PHKB: variants seen among roughly 807,000 people sequenced by gnomAD.
The protein encoded by PHKB is phosphorylase b kinase regulatory subunit beta.
In PHKB, 122 loss-of-function variants were observed where a neutral mutation model predicts 152.1. The ratio of observed to expected loss-of-function variants is 0.80; its 90% CI spans 0.69 to 0.93. The LOEUF is 0.93. Ranked by LOEUF, PHKB falls within the 40% of genes least tolerant of loss-of-function variation. PHKB has a pLI of 0.00. For synonymous variants in PHKB, 436 were observed against 464.9 expected, an observed-to-expected ratio of 0.94 and a Z score of 0.80; for missense variants, 1,304 against 1,328.4, an observed-to-expected ratio of 0.98 and a Z score of 0.29.
chr16:47,499,227 G>A (rs1970282936), intron 2 of PHKB, among the ~76,000 whole-genome samples: 1 of 152,024 alleles, frequency 6.6e-6, no homozygotes, highest in Admixed American at 6.6e-5. Context: ...TGAAGACCAG[G>A]CACAATTTAG....
At chr16:47,614,628 A>G (rs1274087136) in intron 14 of PHKB, among the ~76,000 whole-genome samples, 1 of 152,240 alleles carries the variant, frequency 6.6e-6, no homozygotes, top group Admixed American at 6.5e-5. Flanking sequence ...AGTGAATTAT[A>G]GAAACCTTAC....
At chr16:47,475,342 T>C (rs563944333) in intron 1 of PHKB, among the ~76,000 whole-genome samples, 1 of 152,354 alleles carries the variant, frequency 6.6e-6, no homozygotes, top group African/African-American at 2.4e-5. Flanking sequence ...GCATGCTTTT[T>C]CTTTCTTTTT....
intron 9 of PHKB, 89 bp from the exon 10 acceptor site, chr16:47,588,815 TC>T: frequency 9.0e-7 from 1 of 1,110,572 alleles, no homozygotes; most frequent in Admixed American, 1.7e-5. Flanking sequence ...CTGCATAACC[TC>T]ACTGGCTTTT....
intron 6 of PHKB, among the ~76,000 whole-genome samples, chr16:47,521,332 G>A (rs1227068630): frequency 1.3e-5 from 2 of 152,046 alleles, no homozygotes; most frequent in Non-Finnish European, 2.9e-5. Context: ...TGATTTTAGG[G>A]CAAAACCTTT....
rs1232051677 is a variant in PHKB at position 47,541,308 on chromosome 16, C to T, written c.595-6125C>T. The stretch of plus-strand genomic sequence containing the variant: ...GATGGTTTCCAGCTTCATCCATGTC[C>T]CCGCAAAGGACATGAGCTCATCCTT... On this transcript the variant is annotated intron_variant, in intron 6 of 30. Coordinates refer to ENST00000323584, the MANE Select transcript of PHKB (RefSeq NM_000293.3). Among the ~76,000 whole-genome samples the T allele has an allele frequency of 2.0e-5, 3 of 152,128 alleles. No individual in the cohort carries two copies. The East Asian group carries it at 5.8e-4, about 29-fold the overall frequency.
chr16:47,615,049 C>T (rs2151711446), intron 14 of PHKB, among the ~76,000 whole-genome samples: 1 of 152,294 alleles, frequency 6.6e-6, no homozygotes, highest in South Asian at 2.1e-4. Context: ...AAATATTGTG[C>T]CACTTCCTCT....
intron 7 of PHKB, chr16:47,565,153 A>G (rs1971544290): frequency 9.1e-6 from 5 of 549,106 alleles, no homozygotes; most frequent in South Asian, 5.7e-5. Flanking sequence ...TGCTTGCAGA[A>G]CTGAACTTGG....
In PHKB at chr16:47,661,791, A is replaced by G. The variant is rs1419889793; in HGVS notation, c.2269A>G (p.Thr757Ala). ...LLKREGPNFI[T>A]KEGTVSDHIE... ...CAAAAGAGAAGGCCCCAACTTCATC[A>G]CAAAGGAAGGTAAGCATGCATGTCT... Residue 757 changes from threonine to alanine, a missense_variant, in exon 23 of 31, where the codon ACA (threonine) becomes GCA (alanine). Coordinates refer to ENST00000323584, the MANE Select transcript of PHKB (RefSeq NM_000293.3). The G allele has an allele frequency of 6.2e-7, 1 of 1,611,252 alleles. No individual in the cohort carries two copies. Among genetic ancestry groups the G allele is most frequent in the Non-Finnish European group, 8.5e-7 (1 of 1,177,414 alleles).
In PHKB at chr16:47,663,724, CA is replaced by C; in HGVS notation, c.2331del (p.Lys777AsnfsTer20). ...GAGAGTCTATAGAAGAGCTGGCAGC[CA>C]AAAACTTTGGTTTGTATTAGTGTCC... is the stretch of plus-strand genomic sequence containing the variant. Reference protein sequence around the residue: ...IERVYRRAGSQKLWLAVRYGA... With the variant: ...IERVYRRAGSXKLWLAVRYGA... On this transcript the variant is annotated frameshift_variant, in exon 24 of 31. Transcript: ENST00000323584. LOFTEE classifies it high-confidence loss of function. 3.7e-6 allele frequency: 6 copies of C among 1,606,400 alleles called. No homozygotes were observed. Among genetic ancestry groups the C allele is most frequent in the Non-Finnish European group, 4.3e-6 (5 of 1,173,108 alleles).
intron 6 of PHKB, among the ~76,000 whole-genome samples, chr16:47,546,034 A>G (rs1032237253): frequency 6.6e-6 from 1 of 152,226 alleles, no homozygotes; most frequent in Non-Finnish European, 1.5e-5. Flanking sequence ...AATGGGTTCT[A>G]ACATCCTCCG....
At position 47,610,815 on chromosome 16, in the gene PHKB, C is replaced by G. The variant is rs1227330846; in HGVS notation, c.1364-11C>G. 2 of 1,538,116 alleles carry G rather than the reference C, an allele frequency of 1.3e-6. No homozygotes were observed. Among genetic ancestry groups the G allele is most frequent in the South Asian group, 1.1e-5 (1 of 89,428 alleles). ...CATTTTCGATAATGTCATTCCCCTT[C>G]TTTTTTTCAGCTGATGAACTTATTA... On this transcript the variant is annotated splice_polypyrimidine_tract_variant and intron_variant, in intron 13 of 30. Transcript: ENST00000323584.
intron 7 of PHKB, among the ~76,000 whole-genome samples, chr16:47,556,936 A>T (rs558755492): frequency 7.9e-5 from 12 of 152,298 alleles, no homozygotes; most frequent in Admixed American, 5.9e-4. Flanking sequence ...GATTATTGCC[A>T]CAATTTCAGA....
At chr16:47,673,530 A>T (rs545860510) in intron 26 of PHKB, among the ~76,000 whole-genome samples, 1 of 152,260 alleles carries the variant, frequency 6.6e-6, no homozygotes, top group South Asian at 2.1e-4. Context: ...AGATATCAGG[A>T]TGTAGCACTT....
intron 10 of PHKB, 143 bp from the exon 11 acceptor site, chr16:47,593,357 T>TGAG: frequency 1.7e-6 from 1 of 593,876 alleles, no homozygotes; most frequent in Non-Finnish European, 3.0e-6. Flanking sequence ...AAAGGATCCC[T>TGAG]TGAGCCCAGG....
At chr16:47,465,465 A>G (rs1969651827) in intron 1 of PHKB, among the ~76,000 whole-genome samples, 1 of 152,234 alleles carries the variant, frequency 6.6e-6, no homozygotes, top group Non-Finnish European at 1.5e-5. Context: ...CTTTTCCTGT[A>G]CTGTATCATC....
At chr16:47,462,211 G>A (rs974138521) in intron 1 of PHKB, 5 of 152,250 alleles carry the variant, frequency 3.3e-5, no homozygotes, top group African/African-American at 9.6e-5. Flanking sequence ...AACAGGAAAG[G>A]TGAAAGGCGG....
intron 6 of PHKB, among the ~76,000 whole-genome samples, chr16:47,538,398 A>T (rs993977974): frequency 6.6e-6 from 1 of 152,192 alleles, no homozygotes; most frequent in African/African-American, 2.4e-5. Context: ...TTCAAAATTT[A>T]AAAAAGTTTA....
intron 1 of PHKB, among the ~76,000 whole-genome samples, chr16:47,488,060 T>G (rs921585386): frequency 1.3e-5 from 2 of 152,206 alleles, no homozygotes; most frequent in Non-Finnish European, 2.9e-5. Flanking sequence ...ACCAGCAGTG[T>G]ATAAGCGTTC....
intron 16 of PHKB, among the ~76,000 whole-genome samples, chr16:47,647,204 A>G (rs2151729597): frequency 6.6e-6 from 1 of 152,144 alleles, no homozygotes; most frequent in African/African-American, 2.4e-5. Flanking sequence ...GTTCACTGCA[A>G]CCTCTGCTTC....
Sources: gnomAD v4.1 joint callset for allele counts (sites outside exome capture counted in the v4.1 genomes callset) on GRCh38, gnomAD v4.1.1 for gene constraint, MANE v1.5 for transcripts, NCBI Gene and HGNC (gene_info 2026-07-23, HGNC 2026-07-21) for gene names.